The following PITPNB variants were observed in gnomAD, a reference collection of about 807,000 sequenced individuals.
PITPNB encodes the protein phosphatidylinositol transfer protein beta isoform.
PITPNB carries 16 observed loss-of-function variants against 45.9 expected under a neutral mutation model. That is an observed-to-expected ratio of 0.35 (90% CI 0.24 to 0.53). The LOEUF (loss-of-function observed/expected upper bound fraction) is 0.53. PITPNB is among the 20% of genes least tolerant of loss of function. The probability of loss-of-function intolerance (pLI) is 0.93; values close to 1 mark genes in which losing one functional copy is unlikely to be tolerated. For synonymous variants in PITPNB, 112 were observed against 108.9 expected (o/e 1.03, Z -0.18); for missense variants, 188 against 330.5 (o/e 0.57, Z 3.34).
At chr22:27,879,154 T>C (rs976169373) in intron 7 of PITPNB, among the ~76,000 whole-genome samples, 2 of 152,146 alleles carry the variant, frequency 1.3e-5, no homozygotes, top group Non-Finnish European at 2.9e-5. Flanking sequence ...ACTAAACTAA[T>C]CGTTCATTCC....
chr22:27,910,240 G>A (rs1186531826), intron 3 of PITPNB, among the ~76,000 whole-genome samples: 2 of 151,882 alleles, frequency 1.3e-5, no homozygotes, highest in African/African-American at 2.4e-5. Context: ...GTGAGCCACC[G>A]CGCCTGGCCA....
chr22:27,863,517 C>A (rs1934397830), intron 8 of PITPNB, among the ~76,000 whole-genome samples: 2 of 152,160 alleles, frequency 1.3e-5, no homozygotes, highest in Non-Finnish European at 2.9e-5. Flanking sequence ...TGACTGAGTA[C>A]CCCACCAAAC....
At chr22:27,861,753 GA>G (rs1287674243) in intron 8 of PITPNB, among the ~76,000 whole-genome samples, 2 of 151,754 alleles carry the variant, frequency 1.3e-5, no homozygotes, top group African/African-American at 2.4e-5. Flanking sequence ...ATGATTAAAA[GA>G]AAAAAAAGGG....
intron 7 of PITPNB, among the ~76,000 whole-genome samples, chr22:27,876,844 T>C (rs1002463261): frequency 1.8e-4 from 27 of 152,364 alleles, no homozygotes; most frequent in Non-Finnish European, 3.7e-4. Flanking sequence ...GCTGGCTTTG[T>C]TAGTATTCTG....
At chr22:27,888,135 CTTCT>C (rs1177506252) in intron 7 of PITPNB, among the ~76,000 whole-genome samples, 2 of 152,194 alleles carry the variant, frequency 1.3e-5, no homozygotes, top group Non-Finnish European at 2.9e-5. Context: ...ATTATACATA[CTTCT>C]TTGTCTTTCT....
In PITPNB at chr22:27,903,467, C is replaced by CAAA. The variant is rs71194750; in HGVS notation, c.198-5578_198-5576dup. On this transcript the variant is annotated intron_variant, in intron 3 of 11. Transcript: ENST00000335272. The stretch of plus-strand genomic sequence containing the variant: ...CTGGGCAACAAGAGTGAAACTGTCT[C>CAAA]AAAAAAAAAAAAAAAAAAGAATGGG... Among the ~76,000 whole-genome samples the CAAA allele has an allele frequency of 2.0e-3, 159 of 81,282 alleles. 1 individual carries two copies. Among genetic ancestry groups the CAAA allele is most frequent in the African/African-American group, 6.7e-3 (153 of 22,734 alleles). 53.3% of individuals were successfully genotyped at this position (81,282 alleles called of 152,430 possible).
At chr22:27,910,056 T>C (rs957233059) in intron 3 of PITPNB, among the ~76,000 whole-genome samples, 3 of 151,244 alleles carry the variant, frequency 2.0e-5, no homozygotes, top group African/African-American at 7.3e-5. Flanking sequence ...GTTCAAAAGA[T>C]CCTGCTGCCT....
chr22:27,854,796 G>T, intron 11 of PITPNB, 58 bp downstream of exon 11: 5 of 929,140 alleles, frequency 5.4e-6, no homozygotes, highest in Non-Finnish European at 8.6e-6. Context: ...CAAGTTAACT[G>T]CCCATCACCA....
chr22:27,893,226 A>C (rs1481023531), intron 7 of PITPNB, among the ~76,000 whole-genome samples: 1 of 152,128 alleles, frequency 6.6e-6, no homozygotes, highest in East Asian at 1.9e-4. Context: ...GCACACTATA[A>C]AGTAAGAACC....
At chr22:27,913,614 A>G (rs1935997050) in intron 2 of PITPNB, among the ~76,000 whole-genome samples, 2 of 152,208 alleles carry the variant, frequency 1.3e-5, no homozygotes, top group Admixed American at 1.3e-4. Flanking sequence ...ATAAGCTCTT[A>G]CAGTTGTGTG....
At chr22:27,868,607 G>A (rs940300609) in intron 8 of PITPNB, among the ~76,000 whole-genome samples, 5 of 152,202 alleles carry the variant, frequency 3.3e-5, no homozygotes, top group Admixed American at 1.3e-4. Context: ...ATGAAAAACT[G>A]AAAGGCCAAG....
intron 11 of PITPNB, 62 bp downstream of exon 11, chr22:27,854,792 A>T: frequency 2.3e-6 from 2 of 872,982 alleles, no homozygotes; most frequent in Non-Finnish European, 3.7e-6. Context: ...TCAGCAAGTT[A>T]ACTGCCCATC....
chr22:27,917,274 A>G (rs1053972901), intron 1 of PITPNB, among the ~76,000 whole-genome samples: 2 of 152,240 alleles, frequency 1.3e-5, no homozygotes, highest in African/African-American at 4.8e-5. Context: ...TACTACTCAC[A>G]TACTGTCAAA....
intron 7 of PITPNB, among the ~76,000 whole-genome samples, chr22:27,875,259 A>G (rs922715424): frequency 2.0e-5 from 3 of 152,270 alleles, no homozygotes; most frequent in African/African-American, 7.2e-5. Context: ...AGGTCTGGCT[A>G]TACTGGGTCT....
At chr22:27,906,477 G>A (rs1372848404) in intron 3 of PITPNB, among the ~76,000 whole-genome samples, 8 of 152,214 alleles carry the variant, frequency 5.3e-5, no homozygotes, top group African/African-American at 1.9e-4. Context: ...ACAGGATTCA[G>A]ACGTAGAGCA....
intron 5 of PITPNB, chr22:27,896,853 T>A: frequency 1.7e-6 from 1 of 605,830 alleles, no homozygotes. Context: ...ACGTGGCATA[T>A]CGGGCTAATA....
At chr22:27,883,287 C>T (rs1243119329) in intron 7 of PITPNB, among the ~76,000 whole-genome samples, 3 of 152,232 alleles carry the variant, frequency 2.0e-5, no homozygotes, top group African/African-American at 7.2e-5. Flanking sequence ...GCATTAGAGT[C>T]CTGGCTCCCC....
In PITPNB at chr22:27,919,020, G is replaced by C. The variant is rs562181913; in HGVS notation, c.20+152C>G. On this transcript the variant is annotated intron_variant, in intron 1 of 11. Coordinates refer to ENST00000335272, the MANE Select transcript of PITPNB (RefSeq NM_012399.5). Reference sequence around the variant, plus strand: ...GGCCGAGGGGCGCACTCGCTGAGGGGCTTCGAAGGGGCCGGGGGAGGGAGG... The same window carrying C: ...GGCCGAGGGGCGCACTCGCTGAGGGCCTTCGAAGGGGCCGGGGGAGGGAGG... 24 of 1,108,716 alleles carry C rather than the reference G, an allele frequency of 2.2e-5. No individual in the cohort carries two copies. The Admixed American group carries it at 3.4e-4, about 16-fold the overall frequency. The allele number at this position is 1,108,716 out of a possible 1,614,324, so 68.7% of individuals were successfully genotyped here.
chr22:27,912,983 C>CCAAAA (rs1555892472), intron 2 of PITPNB, among the ~76,000 whole-genome samples: 103 of 33,592 alleles, frequency 3.1e-3, no homozygotes, highest in African/African-American at 9.8e-3. Flanking sequence ...ACTCCATCTC[C>CCAAAA]AAAAAAAAAA....
Sources: allele counts gnomAD v4.1 joint callset (sites outside exome capture counted in the v4.1 genomes callset), GRCh38; gene constraint gnomAD v4.1.1; transcripts MANE v1.5; gene names NCBI Gene and HGNC (gene_info 2026-07-23, HGNC 2026-07-21).